FIP1L1: variants seen among roughly 807,000 people sequenced by gnomAD.
FIP1L1 encodes the protein factor interacting with PAPOLA and CPSF1, also known as pre-mRNA 3'-end-processing factor FIP1.
Under a neutral mutation model 84.6 loss-of-function variants are expected in FIP1L1, and 21 were observed. The ratio of observed to expected loss-of-function variants is 0.25; its 90% CI spans 0.18 to 0.36. The LOEUF is 0.36. Ranked by LOEUF, FIP1L1 falls within the 10% of genes least tolerant of loss-of-function variation. The pLI, the probability that FIP1L1 is intolerant of heterozygous loss-of-function variation, is 1.00. For synonymous variants in FIP1L1, 263 were observed against 242.3 expected (o/e 1.09, Z -0.80); for missense variants, 526 against 751.1 (o/e 0.70, Z 3.50).
rs1751689722 is a variant in FIP1L1 at position 53,404,010 on chromosome 4, C to CGT, written c.815+4171_815+4172insGT. 3.4e-5 allele frequency among the ~76,000 whole-genome samples: 5 copies of CGT among 149,036 alleles called. No homozygotes were observed. The South Asian group carries it at 1.1e-3, about 32-fold the overall frequency. On this transcript the variant is annotated intron_variant, in intron 10 of 17. Transcript: ENST00000337488. ...ATCTCCAGTCATCGTATAAAATGCA[C>CGT]TTTTTTTTTTTTATTATACTTTAAG...
intron 11 of FIP1L1, among the ~76,000 whole-genome samples, chr4:53,417,642 C>CAAAAAAAAAAAA (rs57635694): frequency 8.6e-5 from 4 of 46,362 alleles, no homozygotes; most frequent in Non-Finnish European, 1.7e-4. Flanking sequence ...AACTCCTTCT[C>CAAAAAAAAAAAA]AAAAAAAAAA....
At chr4:53,382,391 C>A in intron 4 of FIP1L1, 56 bp downstream of exon 4, 1 of 1,401,248 alleles carries the variant, frequency 7.1e-7, no homozygotes, top group Non-Finnish European at 1.0e-6. Flanking sequence ...AATAGCTTCA[C>A]AGTTTACATA....
chr4:53,383,787 C>A lies in FIP1L1; in HGVS notation c.243C>A (p.Thr81=), dbSNP rs749315906. 1 of 1,609,206 alleles carries A rather than the reference C, an allele frequency of 6.2e-7. No homozygotes were observed. The highest frequency in any genetic ancestry group is 1.1e-5 in the South Asian group (1 of 90,744). Residue 81 remains threonine, a synonymous_variant, in exon 5 of 18, where the codon ACC becomes ACA. Transcript: ENST00000337488. Reference sequence around the variant, plus strand: ...TGTTCATGTAGAAAGTGACTGAGACCGAAGATGATAGTGATAGTGACAGCG... The same window carrying A: ...TGTTCATGTAGAAAGTGACTGAGACAGAAGATGATAGTGATAGTGACAGCG... ...NGVPKPKVTE[T]EDDSDSDSDD...
At position 53,411,034 on chromosome 4, in the gene FIP1L1, A is replaced by G. The variant is rs143350648; in HGVS notation, c.816-3581A>G. On this transcript the variant is annotated intron_variant, in intron 10 of 17. Coordinates refer to ENST00000337488, the MANE Select transcript of FIP1L1 (RefSeq NM_030917.4). Reference sequence around the variant, plus strand: ...TTAATGGCCATGGGTTTAAAGTGTGACAGTCTTGTCGCTGCTTTTTGGGTG... The same window carrying G: ...TTAATGGCCATGGGTTTAAAGTGTGGCAGTCTTGTCGCTGCTTTTTGGGTG... Among the ~76,000 whole-genome samples, 3 of 152,236 alleles carry G rather than the reference A, an allele frequency of 2.0e-5. No homozygotes were observed. The East Asian group carries it at 5.8e-4, about 29-fold the overall frequency.
rs1259328725 is a variant in FIP1L1, at chr4:53,407,909, C to G, written c.816-6706C>G. Among the ~76,000 whole-genome samples the G allele has an allele frequency of 2.0e-5, 3 of 152,060 alleles. No individual in the cohort carries two copies. In the East Asian group the frequency reaches 5.8e-4, roughly 29 times the overall value. ...GTGTCTCTGCATGTGAGATGTGTTT[C>G]CTGAATACAGCACACTGATGGGTCT... On this transcript the variant is annotated intron_variant, in intron 10 of 17. Transcript: ENST00000337488.
intron 15 of FIP1L1, among the ~76,000 whole-genome samples, chr4:53,445,049 A>C (rs1773602686): frequency 6.6e-6 from 1 of 152,072 alleles, no homozygotes; most frequent in Admixed American, 6.6e-5. Flanking sequence ...GGCTATTCAG[A>C]GATAAAGGAG....
intron 13 of FIP1L1, among the ~76,000 whole-genome samples, chr4:53,435,082 A>C (rs1310356045): frequency 1.3e-5 from 2 of 152,244 alleles, no homozygotes; most frequent in African/African-American, 4.8e-5. Flanking sequence ...CCATTAAAAA[A>C]GAACTCAAAG....
intron 1 of FIP1L1, 110 bp from the exon 2 acceptor site, chr4:53,378,963 C>G: frequency 9.6e-7 from 1 of 1,043,604 alleles, no homozygotes; most frequent in Non-Finnish European, 1.4e-6. Context: ...TCTTCATTAC[C>G]TCTTAAATTT....
chr4:53,447,422 A>G (rs781596765), intron 15 of FIP1L1, among the ~76,000 whole-genome samples: 2 of 152,160 alleles, frequency 1.3e-5, no homozygotes, highest in Non-Finnish European at 2.9e-5. Context: ...CTAAGCCTTC[A>G]CTGAACTTTT....
intron 9 of FIP1L1, among the ~76,000 whole-genome samples, chr4:53,394,050 T>A (rs1745948198): frequency 6.6e-6 from 1 of 152,136 alleles, no homozygotes; most frequent in Non-Finnish European, 1.5e-5. Flanking sequence ...TTTATTCTTA[T>A]AATGTTATTG....
intron 6 of FIP1L1, among the ~76,000 whole-genome samples, chr4:53,390,092 C>G (rs1458427740): frequency 6.6e-6 from 1 of 152,040 alleles, no homozygotes; most frequent in African/African-American, 2.4e-5. Context: ...GCGTGCACCA[C>G]CATGCTTGGC....
chr4:53,407,157 A>G (rs540189757), intron 10 of FIP1L1, among the ~76,000 whole-genome samples: 12 of 151,608 alleles, frequency 7.9e-5, no homozygotes, highest in Admixed American at 3.9e-4. Flanking sequence ...AGTGCTATAA[A>G]TTTCCGTCTA....
At chr4:53,459,017 C>T (rs1427883976) in intron 17 of FIP1L1, among the ~76,000 whole-genome samples, 6 of 151,950 alleles carry the variant, frequency 3.9e-5, no homozygotes, top group Non-Finnish European at 7.4e-5. Context: ...TGAGTTAATG[C>T]CTGTTTCTAA....
intron 15 of FIP1L1, 70 bp from the exon 16 acceptor site, chr4:53,452,850 A>G: frequency 9.0e-7 from 1 of 1,115,346 alleles, no homozygotes; most frequent in Non-Finnish European, 1.3e-6. Context: ...ATCTCATGAC[A>G]CATTTTTGGT....
intron 1 of FIP1L1, chr4:53,378,537 A>T (rs1411255574): frequency 6.6e-6 from 1 of 152,590 alleles, no homozygotes; most frequent in Non-Finnish European, 1.5e-5. Flanking sequence ...AGGTGAAGTT[A>T]TTCTTTTTTA....
At chr4:53,397,400 A>C (rs1266850741) in intron 9 of FIP1L1, among the ~76,000 whole-genome samples, 1 of 152,174 alleles carries the variant, frequency 6.6e-6, no homozygotes, top group Admixed American at 6.5e-5. Context: ...AAGTGGTCCA[A>C]AAACACCGTT....
At chr4:53,431,037 A>G (rs1412943939) in intron 13 of FIP1L1, among the ~76,000 whole-genome samples, 3 of 152,142 alleles carry the variant, frequency 2.0e-5, no homozygotes, top group Non-Finnish European at 2.9e-5. Flanking sequence ...ATTTCTATCT[A>G]TGTTTCCCTA....
chr4:53,387,576 G>A (rs1366140769), intron 5 of FIP1L1, among the ~76,000 whole-genome samples: 2 of 152,092 alleles, frequency 1.3e-5, no homozygotes, highest in Non-Finnish European at 2.9e-5. Flanking sequence ...ATACCACTAA[G>A]CTTCTCTACA....
intron 9 of FIP1L1, among the ~76,000 whole-genome samples, chr4:53,392,188 T>G (rs1319642737): frequency 2.0e-5 from 3 of 152,234 alleles, no homozygotes; most frequent in African/African-American, 7.2e-5. Flanking sequence ...GAAAACTGAT[T>G]GTGTACTCTT....
Sources: allele counts gnomAD v4.1 joint callset (sites outside exome capture counted in the v4.1 genomes callset), GRCh38; gene constraint gnomAD v4.1.1; transcripts MANE v1.5; gene names NCBI Gene and HGNC (gene_info 2026-07-23, HGNC 2026-07-21).